The following ODF2 variants were observed in gnomAD, a reference collection of about 807,000 sequenced individuals.
The protein encoded by ODF2 is outer dense fiber of sperm tails 2.
A neutral mutation model predicts 110.2 loss-of-function variants in ODF2; 47 were observed. The ratio of observed to expected loss-of-function variants is 0.43; its 90% CI spans 0.34 to 0.54. The LOEUF (loss-of-function observed/expected upper bound fraction) is 0.54. Ranked by LOEUF, ODF2 falls within the 20% of genes least tolerant of loss-of-function variation. The pLI is 0.03. For missense variants in ODF2, 812 were observed against 1,054.5 expected (o/e 0.77, Z 3.19); for synonymous variants, 352 against 397.7 (o/e 0.89, Z 1.37).
intron 1 of ODF2, chr9:128,456,883 T>G: frequency 7.7e-7 from 1 of 1,292,550 alleles, no homozygotes. Flanking sequence ...CTTTAAACAC[T>G]ATTGGTCCTC....
chr9:128,476,971 C>T (rs1007846500), intron 8 of ODF2, among the ~76,000 whole-genome samples: 142 of 150,602 alleles, frequency 9.4e-4, no homozygotes, highest in African/African-American at 2.9e-3. Context: ...TGGCCGGGTG[C>T]AGTGGCTCAT....
At position 128,460,828 on chromosome 9, in the gene ODF2, A is replaced by G. The variant is rs3814529; in HGVS notation, c.124-114A>G. On this transcript the variant is annotated intron_variant, in intron 3 of 20. Transcript: ENST00000604420. ...TAGGCAGGCCTGTCATCCAGGAGCA[A>G]CAGCAGTAACATTAGTCAGAAGAGG... 8.1e-3 allele frequency: 12,271 copies of G among 1,522,106 alleles called. 329 individuals are homozygous for G. The East Asian group carries it at 0.083, about 10-fold the overall frequency. The allele number at this position is 1,522,106 out of a possible 1,614,324, so 94.3% of individuals were successfully genotyped here.
chr9:128,500,198 T>C (rs771250953), exon 21 of ODF2: 1 of 1,614,196 alleles, frequency 6.2e-7, no homozygotes, highest in Admixed American at 1.7e-5. Context: ...TTGGGGATGG[T>C]CCCTATTCCA....
At chr9:128,471,560 TGGGCAC>T in intron 6 of ODF2, 92 bp downstream of exon 6, 3 of 1,284,332 alleles carry the variant, frequency 2.3e-6, no homozygotes, top group Non-Finnish European at 3.3e-6. Context: ...ACGTAGGAGG[TGGGCAC>T]AGGCACTGTG....
chr9:128,466,657 A>ATATG (rs1355769392), intron 4 of ODF2, among the ~76,000 whole-genome samples: 1 of 149,738 alleles, frequency 6.7e-6, no homozygotes, highest in Non-Finnish European at 1.5e-5. Flanking sequence ...ATATATATAT[A>ATATG]TATATATATT....
exon 2 of ODF2, chr9:128,457,236 C>A (rs759921308): frequency 6.3e-7 from 1 of 1,591,556 alleles, no homozygotes; most frequent in Non-Finnish European, 8.5e-7. Flanking sequence ...AGGAGCGCCT[C>A]CCAAGTTTTC....
intron 8 of ODF2, among the ~76,000 whole-genome samples, chr9:128,479,635 T>G (rs1444780759): frequency 7.1e-6 from 1 of 140,984 alleles, no homozygotes; most frequent in Non-Finnish European, 1.5e-5. Context: ...GTATCATCCC[T>G]AGAGAGGCAC....
upstream of ODF2, chr9:128,455,991 A>G: frequency 7.1e-7 from 1 of 1,413,644 alleles, no homozygotes. Flanking sequence ...GTGGCCCGGA[A>G]GTGGGCGGCC....
chr9:128,479,765 C>T (rs887763542), intron 8 of ODF2, among the ~76,000 whole-genome samples: 4 of 152,038 alleles, frequency 2.6e-5, no homozygotes, highest in African/African-American at 2.4e-5. Context: ...ATTAGAGACA[C>T]GGAGAGGTTC....
At chr9:128,459,407 C>T (rs1459712453) in intron 2 of ODF2, among the ~76,000 whole-genome samples, 160 bp from the exon 2 acceptor site, 2 of 152,194 alleles carry the variant, frequency 1.3e-5, no homozygotes, top group Admixed American at 6.5e-5. Context: ...GCACACCACG[C>T]ACATCTGGTG....
chr9:128,494,851 A>G lies in ODF2; in HGVS notation c.1911+183A>G. ...GGTGTGCCAAATGCCATGTGTTTGCACAAAGTGATTGTAGTTATAGGAGCC... is the reference window on the plus strand; with the variant it reads ...GGTGTGCCAAATGCCATGTGTTTGCGCAAAGTGATTGTAGTTATAGGAGCC... On this transcript the variant is annotated intron_variant, in intron 17 of 20. Coordinates refer to ENST00000604420, the Ensembl canonical transcript of ODF2. This position sits in a 1 kb window ranked among gnomAD's most constrained non-coding sequence, Gnocchi z 4.6. 6.7e-7 allele frequency: 1 copy of G among 1,483,498 alleles called. No homozygotes were observed. The highest frequency in any genetic ancestry group is 8.9e-7 in the Non-Finnish European group (1 of 1,118,348). The allele number at this position is 1,483,498 out of a possible 1,614,324, so 91.9% of individuals were successfully genotyped here.
intron 4 of ODF2, among the ~76,000 whole-genome samples, chr9:128,462,710 C>G (rs1231639568): frequency 6.6e-6 from 1 of 151,926 alleles, no homozygotes; most frequent in Non-Finnish European, 1.5e-5. Context: ...CACCATTCTT[C>G]TGCCTCAGCC....
At chr9:128,459,697 T>G (rs35600008) in intron 3 of ODF2, 40 bp downstream of exon 2, 2 of 1,514,036 alleles carry the variant, frequency 1.3e-6, no homozygotes, top group African/African-American at 2.7e-5. Flanking sequence ...TTTGGTCACC[T>G]TGCTAAAAAT....
At chr9:128,456,346 C>T (rs1834770546) in intron 1 of ODF2, 91 bp downstream of exon 1, 4 of 1,435,460 alleles carry the variant, frequency 2.8e-6, no homozygotes, top group African/African-American at 1.5e-5. Flanking sequence ...GTCGACCCCG[C>T]GGGGCCGTCG....
At chr9:128,497,446 A>AAAAAAAAAAACAT (rs1554857542) in intron 18 of ODF2, 1 of 42,598 alleles carries the variant, frequency 2.3e-5, no homozygotes, top group African/African-American at 1.5e-4. Context: ...AAAAAAAAAA[A>AAAAAAAAAAACAT]ATATATATAT....
chr9:128,487,002 T>C (rs1463739661), intron 13 of ODF2, among the ~76,000 whole-genome samples: 4 of 152,176 alleles, frequency 2.6e-5, no homozygotes, highest in Admixed American at 6.5e-5. Context: ...GAAGGGATCA[T>C]GTCTCTGGTC....
chr9:128,497,481 A>ATATATATG (rs1554857727), intron 18 of ODF2: 4 of 116,706 alleles, frequency 3.4e-5, no homozygotes, highest in Non-Finnish European at 3.5e-5. Flanking sequence ...ATATATATAT[A>ATATATATG]TATATGTATA....
chr9:128,487,133 G>A (rs948804554), intron 13 of ODF2, among the ~76,000 whole-genome samples: 1 of 152,072 alleles, frequency 6.6e-6, no homozygotes, highest in African/African-American at 2.4e-5. Context: ...CCAGGCTATA[G>A]TGCAGTGGCA....
exon 21 of ODF2, chr9:128,500,370 TCTTGTCCTTAGCTA>T: frequency 2.0e-6 from 2 of 1,003,392 alleles, no homozygotes; most frequent in South Asian, 3.0e-5. Flanking sequence ...GGGTTCAGGG[TCTTGTCCTTAGCTA>T]CTAGCTCTAG....
Sources: allele counts gnomAD v4.1 joint callset (sites outside exome capture counted in the v4.1 genomes callset), GRCh38; gene constraint gnomAD v4.1.1; non-coding constraint Gnocchi (gnomAD v3.1); transcripts MANE v1.5; gene names NCBI Gene and HGNC (gene_info 2026-07-23, HGNC 2026-07-21).